Variants in ERCC6L2 observed in about 807,000 individuals in gnomAD.
ERCC6L2 encodes the protein DNA excision repair protein ERCC-6-like 2.
In ERCC6L2, 77 loss-of-function variants were observed where a neutral mutation model predicts 132.0. The observed-to-expected ratio is 0.58, with a 90% confidence interval of 0.49 to 0.71. The LOEUF is 0.71. Ranked by LOEUF, ERCC6L2 falls within the 30% of genes least tolerant of loss-of-function variation. The pLI, the probability that ERCC6L2 is intolerant of heterozygous loss-of-function variation, is 0.00. For synonymous variants in ERCC6L2, 583 were observed against 632.4 expected (o/e 0.92, Z 1.17); for missense variants, 1,542 against 1,837.6 (o/e 0.84, Z 2.94).
intron 12 of ERCC6L2, among the ~76,000 whole-genome samples, chr9:95,949,761 G>A (rs902055824): frequency 1.3e-5 from 2 of 152,182 alleles, no homozygotes; most frequent in African/African-American, 2.4e-5. Context: ...TGTAATCCCA[G>A]CACTTTGGGA....
intron 13 of ERCC6L2, among the ~76,000 whole-genome samples, chr9:95,965,060 G>A (rs1297034214): frequency 6.6e-6 from 1 of 152,090 alleles, no homozygotes; most frequent in East Asian, 1.9e-4. Flanking sequence ...TTGTAATTCT[G>A]TACTCCCAGG....
rs187359141 is a variant in ERCC6L2, at chr9:95,906,743, A to G, written c.595-335A>G. 5.2e-5 allele frequency: 24 copies of G among 461,634 alleles called. No individual in the cohort carries two copies. The East Asian group carries it at 1.1e-3, about 20-fold the overall frequency. 28.6% of individuals were successfully genotyped at this position (461,634 alleles called of 1,614,324 possible). Reference sequence around the variant, plus strand: ...CATTACCCACTTGGCCTTTGAAGCTATTACTGGGATCCAGATTTTATTCTT... The same window carrying G: ...CATTACCCACTTGGCCTTTGAAGCTGTTACTGGGATCCAGATTTTATTCTT... On this transcript the variant is annotated intron_variant, in intron 3 of 18. Coordinates refer to ENST00000653738, the MANE Select transcript of ERCC6L2 (RefSeq NM_020207.7).
chr9:95,910,044 C>T (rs75582428), intron 4 of ERCC6L2, among the ~76,000 whole-genome samples: 24 of 152,272 alleles, frequency 1.6e-4, no homozygotes, highest in Non-Finnish European at 1.3e-4. Context: ...AAACAATGTT[C>T]TATAGTTATT....
At chr9:95,896,335 C>A (rs958792647) in intron 2 of ERCC6L2, among the ~76,000 whole-genome samples, 1 of 150,432 alleles carries the variant, frequency 6.6e-6, no homozygotes, top group Admixed American at 6.6e-5. Flanking sequence ...TGTATAGTAT[C>A]TTCCATTCTT....
chr9:95,879,428 C>T (rs925576284), intron 1 of ERCC6L2, among the ~76,000 whole-genome samples: 2 of 152,144 alleles, frequency 1.3e-5, no homozygotes, highest in Admixed American at 6.5e-5. Flanking sequence ...TAGGCAAACA[C>T]ATAATGGGAA....
At chr9:96,039,163 T>C (rs1280283981) in intron 20 of ERCC6L2, among the ~76,000 whole-genome samples, 9 of 152,204 alleles carry the variant, frequency 5.9e-5, no homozygotes, top group Admixed American at 5.9e-4. Flanking sequence ...TAAGCTGTTA[T>C]GGCTTTGGGG....
intron 12 of ERCC6L2, among the ~76,000 whole-genome samples, chr9:95,949,522 A>G (rs1207095156): frequency 2.0e-5 from 3 of 152,210 alleles, no homozygotes; most frequent in Non-Finnish European, 1.5e-5. Context: ...AAACTTTGCA[A>G]TCCAGAAGGC....
At chr9:96,022,097 C>T (rs1225736795), downstream of ERCC6L2, among the ~76,000 whole-genome samples, 1 of 152,246 alleles carries the variant, frequency 6.6e-6, no homozygotes, top group East Asian at 1.9e-4. Context: ...CAACCTGTTA[C>T]CAAGTCCTAG....
chr9:96,005,104 G>C (rs2133205044), intron 18 of ERCC6L2, among the ~76,000 whole-genome samples: 1 of 152,294 alleles, frequency 6.6e-6, no homozygotes, highest in South Asian at 2.1e-4. Context: ...ACGAGGTCAG[G>C]AGATTGAGAC....
chr9:95,949,827 G>T (rs1401530198), intron 12 of ERCC6L2, among the ~76,000 whole-genome samples: 1 of 152,080 alleles, frequency 6.6e-6, no homozygotes, highest in Non-Finnish European at 1.5e-5. Flanking sequence ...GGTCAAGATG[G>T]TGAAACCCCG....
At chr9:95,916,963 G>A (rs1292774407) in intron 6 of ERCC6L2, among the ~76,000 whole-genome samples, 1 of 152,086 alleles carries the variant, frequency 6.6e-6, no homozygotes, top group African/African-American at 2.4e-5. Flanking sequence ...GGAATTACAG[G>A]CGTGAGCCAC....
At chr9:96,020,505 G>T, downstream of ERCC6L2, 1 of 326,834 alleles carries the variant, frequency 3.1e-6, no homozygotes, top group Non-Finnish European at 6.0e-6. Flanking sequence ...AGGTAGGGGC[G>T]CCGCTCACCT....
intron 18 of ERCC6L2, among the ~76,000 whole-genome samples, chr9:96,011,570 T>G (rs923063685): frequency 1.3e-5 from 2 of 152,218 alleles, no homozygotes; most frequent in Non-Finnish European, 2.9e-5. Flanking sequence ...TCCTCATACA[T>G]GCATACAACA....
intron 17 of ERCC6L2, among the ~76,000 whole-genome samples, chr9:95,987,649 G>A (rs1833144756): frequency 6.6e-6 from 1 of 152,176 alleles, no homozygotes; most frequent in Non-Finnish European, 1.5e-5. Flanking sequence ...AGCATTGAGT[G>A]GCTGTGGCTT....
chr9:96,035,233 G>T (rs1473403905), intron 19 of ERCC6L2, among the ~76,000 whole-genome samples: 1 of 152,206 alleles, frequency 6.6e-6, no homozygotes, highest in Non-Finnish European at 1.5e-5. Context: ...GCAGAAGGGG[G>T]CGGGTCCCAG....
At position 96,012,371 on chromosome 9, in the gene ERCC6L2, T is replaced by C; in HGVS notation, c.3821T>C (p.Phe1274Ser). Reference protein sequence around the residue: ...ASQYPEVKEFFVDSVSQFNNS... With the variant: ...ASQYPEVKEFSVDSVSQFNNS... Reference sequence around the variant, plus strand: ...CAATATCCAGAGGTAAAAGAATTTTTTGTGGATTCTGTGTCACAATTCAAC... The same window carrying C: ...CAATATCCAGAGGTAAAAGAATTTTCTGTGGATTCTGTGTCACAATTCAAC... The change falls in exon 19 of 19, where the codon TTT (phenylalanine) becomes TCT (serine). Residue 1274 changes from phenylalanine to serine, a missense_variant. Physicochemically the swap from Phe to Ser is radical, Grantham distance 155. This residue lies in a region of ERCC6L2 where 442 missense variants were observed against 583.4 expected (regional missense o/e 0.76). Coordinates refer to ENST00000653738, the MANE Select transcript of ERCC6L2 (RefSeq NM_020207.7). 1 of 1,362,688 alleles carries C rather than the reference T, an allele frequency of 7.3e-7. No homozygotes were observed. Among genetic ancestry groups the C allele is most frequent in the South Asian group, 1.1e-5 (1 of 87,392 alleles). The allele number at this position is 1,362,688 out of a possible 1,614,324, so 84.4% of individuals were successfully genotyped here.
intron 2 of ERCC6L2, among the ~76,000 whole-genome samples, chr9:95,883,033 C>G (rs112309778): frequency 6.6e-6 from 1 of 152,140 alleles, no homozygotes; most frequent in Non-Finnish European, 1.5e-5. Context: ...GAAATTGACC[C>G]TTCTGGTCCT....
chr9:95,901,107 A>G (rs979087157), intron 3 of ERCC6L2, among the ~76,000 whole-genome samples: 1 of 151,800 alleles, frequency 6.6e-6, no homozygotes, highest in African/African-American at 2.4e-5. Flanking sequence ...AGTAAATTTT[A>G]TGTGTTTGTA....
chr9:95,927,501 G>A (rs1830151027), intron 9 of ERCC6L2, among the ~76,000 whole-genome samples: 1 of 152,112 alleles, frequency 6.6e-6, no homozygotes, highest in Non-Finnish European at 1.5e-5. Context: ...CACTGTGTGT[G>A]GGGGCAGATT....
Sources: allele counts gnomAD v4.1 joint callset (sites outside exome capture counted in the v4.1 genomes callset), GRCh38; gene constraint gnomAD v4.1.1; regional missense constraint gnomAD v4.1.1; transcripts MANE v1.5; gene names NCBI Gene and HGNC (gene_info 2026-07-23, HGNC 2026-07-21).